The following SLC26A7 variants were observed in gnomAD, a reference collection of about 807,000 sequenced individuals.
The protein encoded by SLC26A7 is solute carrier family 26 member 7, also known as anion exchange transporter.
In SLC26A7, 59 loss-of-function variants were observed where a neutral mutation model predicts 82.5. The observed-to-expected ratio is 0.72, with a 90% CI of 0.58 to 0.89. The LOEUF (loss-of-function observed/expected upper bound fraction) is 0.89. Among genes scored for constraint, SLC26A7 ranks in the 40% least tolerant of loss-of-function variants. The pLI is 0.00. For missense variants in SLC26A7, 820 were observed against 793.0 expected (o/e 1.03, Z -0.41); for synonymous variants, 271 against 274.3 (o/e 0.99, Z 0.12).
intron 3 of SLC26A7, among the ~76,000 whole-genome samples, chr8:91,292,170 T>G (rs776822433): frequency 1.9e-4 from 29 of 152,120 alleles, no homozygotes; most frequent in Non-Finnish European, 3.4e-4. Context: ...CTGGACGTGG[T>G]GGCGGGCACC....
intron 13 of SLC26A7, 43 bp from the exon 14 acceptor site, chr8:91,366,537 A>G (rs1814196002): frequency 6.3e-7 from 1 of 1,591,388 alleles, no homozygotes; most frequent in South Asian, 1.1e-5. Flanking sequence ...ATTGGCTATA[A>G]TTTTCTATTT....
intron 2 of SLC26A7, among the ~76,000 whole-genome samples, chr8:91,276,171 T>C (rs1811401712): frequency 6.6e-6 from 1 of 152,168 alleles, no homozygotes; most frequent in African/African-American, 2.4e-5. Flanking sequence ...CTTCTTTTTT[T>C]TTCTAAAATT....
chr8:91,317,867 A>G (rs892252899), intron 4 of SLC26A7, among the ~76,000 whole-genome samples: 30 of 151,178 alleles, frequency 2.0e-4, no homozygotes, highest in African/African-American at 7.0e-4. Context: ...TTTAGAAAAA[A>G]TACTGTGTTA....
intron 2 of SLC26A7, among the ~76,000 whole-genome samples, chr8:91,283,049 A>T (rs181616890): frequency 1.2e-4 from 19 of 152,302 alleles, no homozygotes; most frequent in African/African-American, 4.1e-4. Flanking sequence ...TAAAAAAATC[A>T]TTCATGTTTC....
intron 2 of SLC26A7, among the ~76,000 whole-genome samples, chr8:91,237,707 A>G (rs1183878602): frequency 6.6e-6 from 1 of 152,122 alleles, no homozygotes; most frequent in East Asian, 1.9e-4. Context: ...ATTTGATTAT[A>G]CTTCTTAAAC....
chr8:91,352,871 CT>C (rs769998525), intron 10 of SLC26A7, 29 bp from the exon 11 acceptor site: 4 of 1,539,712 alleles, frequency 2.6e-6, no homozygotes, highest in Non-Finnish European at 3.5e-6. Context: ...TTTTATGTTG[CT>C]TCTTCTTCAA....
rs61581659 is a variant in SLC26A7, at chr8:91,316,988, T to TAAAAAA, written c.478-1200_478-1195dup. Among the ~76,000 whole-genome samples the TAAAAAA allele has an allele frequency of 8.4e-3, 130 of 15,530 alleles. 22 individuals are homozygous for TAAAAAA. The highest frequency in any genetic ancestry group is 0.017 in the African/African-American group (110 of 6,602). The allele number at this position is 15,530 out of a possible 152,430, so 10.2% of individuals were successfully genotyped here. On this transcript the variant is annotated intron_variant, in intron 4 of 18. Coordinates refer to ENST00000276609, the MANE Select transcript of SLC26A7 (RefSeq NM_052832.4). The stretch of plus-strand genomic sequence containing the variant: ...GGGCAACACAGTGAGACCCTGTCTC[T>TAAAAAA]AAAAAAAAAAAAAAAAAAAAAAAAA...
intron 11 of SLC26A7, among the ~76,000 whole-genome samples, chr8:91,358,293 A>G (rs1269076224): frequency 6.6e-6 from 1 of 151,904 alleles, no homozygotes; most frequent in Admixed American, 6.6e-5. Context: ...TCATGCTGCT[A>G]TAAAGACACA....
intron 2 of SLC26A7, among the ~76,000 whole-genome samples, chr8:91,257,635 A>C (rs75288186): frequency 0.045 from 6,845 of 152,030 alleles, 234 homozygotes; most frequent in African/African-American, 0.1. Context: ...TAAAAAAAAA[A>C]CACATTTTTT....
At chr8:91,291,639 G>A (rs190546666) in intron 3 of SLC26A7, among the ~76,000 whole-genome samples, 7 of 152,096 alleles carry the variant, frequency 4.6e-5, no homozygotes, top group Admixed American at 2.6e-4. Context: ...ACTTAAATAC[G>A]TACTTACACA....
chr8:91,374,297 C>G (rs1465790014), intron 15 of SLC26A7, among the ~76,000 whole-genome samples: 1 of 150,046 alleles, frequency 6.7e-6, no homozygotes, highest in Non-Finnish European at 1.5e-5. Context: ...TGTCTAGTTC[C>G]TTTGGGTATG....
At chr8:91,339,848 T>A (rs1366844054) in intron 7 of SLC26A7, among the ~76,000 whole-genome samples, 2 of 152,128 alleles carry the variant, frequency 1.3e-5, no homozygotes, top group Non-Finnish European at 1.5e-5. Context: ...GAGGGTTAGT[T>A]AGATGGAGCC....
chr8:91,348,051 CTG>C (rs529119419), intron 9 of SLC26A7, among the ~76,000 whole-genome samples: 118 of 152,002 alleles, frequency 7.8e-4, no homozygotes, highest in Non-Finnish European at 1.5e-3. Flanking sequence ...GGATGAGAGA[CTG>C]TGTCTGCTGC....
chr8:91,212,471 C>T (rs532025272), intron 1 of SLC26A7, among the ~76,000 whole-genome samples: 1 of 152,168 alleles, frequency 6.6e-6, no homozygotes, highest in East Asian at 1.9e-4. Flanking sequence ...GCGTAGGTCT[C>T]CCTATAAATG....
chr8:91,248,174 G>A (rs1487394799), upstream of SLC26A7, among the ~76,000 whole-genome samples: 1 of 152,086 alleles, frequency 6.6e-6, no homozygotes, highest in Non-Finnish European at 1.5e-5. Context: ...TTAATATAAT[G>A]TAAAAACAGT....
chr8:91,257,161 T>C (rs886749813), intron 2 of SLC26A7, among the ~76,000 whole-genome samples: 2 of 152,128 alleles, frequency 1.3e-5, no homozygotes, highest in Admixed American at 1.3e-4. Context: ...CCCCTGAGGT[T>C]CTCTCACTGC....
At chr8:91,295,436 G>T in intron 3 of SLC26A7, 95 bp from the exon 4 acceptor site, 2 of 1,374,334 alleles carry the variant, frequency 1.5e-6, no homozygotes, top group Non-Finnish European at 2.0e-6. Context: ...AGATCTGTTT[G>T]GTTTCACAAT....
At chr8:91,222,796 T>C (rs1044293632) in intron 2 of SLC26A7, among the ~76,000 whole-genome samples, 6 of 150,524 alleles carry the variant, frequency 4.0e-5, no homozygotes, top group Non-Finnish European at 9.0e-5. Context: ...TGTTCATCAG[T>C]TTTCTTTTTT....
chr8:91,397,453 A>G lies in SLC26A7; in HGVS notation c.*2356A>G. Reference sequence around the variant, plus strand: ...AGATTACCTTATTTTTATATATGACAAACTACTTCTATAATGCTTATTATG... The same window carrying G: ...AGATTACCTTATTTTTATATATGACGAACTACTTCTATAATGCTTATTATG... On this transcript the variant is annotated 3_prime_UTR_variant, in exon 19 of 19. Transcript: ENST00000276609. 6.6e-6 allele frequency: 1 copy of G among 152,588 alleles called. No homozygotes were observed. Among genetic ancestry groups the G allele is most frequent in the African/African-American group, 2.4e-5 (1 of 41,452 alleles). The allele number at this position is 152,588 out of a possible 1,614,324, so 9.5% of individuals were successfully genotyped here. A position where few individuals can be genotyped will look rare whatever the true frequency, so the allele number is the denominator to read the frequency against.
Sources: gnomAD v4.1 joint callset for allele counts (sites outside exome capture counted in the v4.1 genomes callset) on GRCh38, gnomAD v4.1.1 for gene constraint, MANE v1.5 for transcripts, NCBI Gene and HGNC (gene_info 2026-07-23, HGNC 2026-07-21) for gene names.